Variants in VAV1 observed in about 807,000 individuals in gnomAD.
The protein encoded by VAV1 is vav guanine nucleotide exchange factor 1.
In VAV1, 33 loss-of-function variants were observed where a neutral mutation model predicts 128.1. The ratio of observed to expected loss-of-function variants is 0.26; its 90% CI spans 0.20 to 0.34. VAV1 has a LOEUF of 0.34. Among genes scored for constraint, VAV1 ranks in the 10% least tolerant of loss-of-function variants. The pLI, the probability that VAV1 is intolerant of heterozygous loss-of-function variation, is 1.00. For missense variants in VAV1, 715 were observed against 1,093.7 expected, an observed-to-expected ratio of 0.65 and a Z score of 4.88; for synonymous variants, 394 against 409.8, an observed-to-expected ratio of 0.96 and a Z score of 0.47.
rs140795872 is a variant in VAV1 at position 6,808,670 on chromosome 19, A to C, written c.205-12032A>C. ...GGCTAGAATGTTCCTCCCTTTAAGA[A>C]TGCAACCTGGAATTGCACATTATCA... On this transcript the variant is annotated intron_variant, in intron 1 of 26. Coordinates refer to ENST00000602142, the MANE Select transcript of VAV1 (RefSeq NM_005428.4). Among the ~76,000 whole-genome samples, 428 of 152,322 alleles carry C rather than the reference A, an allele frequency of 2.8e-3. 1 individual carries two copies. Among genetic ancestry groups the C allele is most frequent in the African/African-American group, 9.7e-3 (405 of 41,580 alleles).
chr19:6,820,678 C>T lies in VAV1; in HGVS notation c.205-24C>T. The T allele has an allele frequency of 6.2e-7, 1 of 1,609,558 alleles. No homozygotes were observed. The highest frequency in any genetic ancestry group is 8.5e-7 in the Non-Finnish European group (1 of 1,175,944). ...CCCCTGCCCTTTCGTACTGCCCCAC[C>T]CTCATTTCTCTGTCTCCTCACAGTT... On this transcript the variant is annotated intron_variant, in intron 1 of 26. Transcript: ENST00000602142. The surrounding 1 kb of genome is among the most constrained non-coding windows in gnomAD (Gnocchi z 4.4).
Position 6,836,547 on chromosome 19 carries a change from G to C in VAV1, c.1893G>C (p.Glu631Asp), listed in dbSNP as rs775081040. 7.4e-6 allele frequency: 12 copies of C among 1,614,078 alleles called. No individual in the cohort carries two copies. The South Asian group carries it at 1.3e-4, about 18-fold the overall frequency. The change falls in exon 20 of 27, where the codon GAG (glutamate) becomes GAC (aspartate). Residue 631 changes from glutamate (E) to aspartate (D), a missense_variant. By Grantham distance (45) the Glu-to-Asp change is conservative (BLOSUM62 2). Around this residue, in one of 3 missense-constraint regions of VAV1, gnomAD observed 407 missense variants for 580.6 expected, o/e 0.70. Transcript: ENST00000602142. ...PGDIVELTKAEAEQNWWEGRN... is the reference protein window; with the variant it reads ...PGDIVELTKADAEQNWWEGRN... Reference sequence around the variant, plus strand: ...ACATTGTGGAGCTCACGAAGGCTGAGGCTGAACAGAACTGGTGGGAGGTAC... The same window carrying C: ...ACATTGTGGAGCTCACGAAGGCTGACGCTGAACAGAACTGGTGGGAGGTAC...
intron 1 of VAV1, among the ~76,000 whole-genome samples, chr19:6,816,764 C>G (rs187437418): frequency 8.6e-5 from 13 of 151,886 alleles, no homozygotes; most frequent in Admixed American, 6.6e-4. Flanking sequence ...CAGTTCAAGA[C>G]CAGCCTGGAC....
At chr19:6,833,790 G>T in intron 18 of VAV1, 57 bp downstream of exon 18, 1 of 1,613,814 alleles carries the variant, frequency 6.2e-7, no homozygotes, top group Non-Finnish European at 8.5e-7. Flanking sequence ...ACAGCGCGGG[G>T]AGGACCCAGG....
chr19:6,838,333 A>ATC (rs759398094), intron 21 of VAV1, among the ~76,000 whole-genome samples: 2 of 143,722 alleles, frequency 1.4e-5, no homozygotes, highest in African/African-American at 5.1e-5. Context: ...CTATCTATCT[A>ATC]TATGTCTATC....
Position 6,854,097 on chromosome 19 carries a change from G to T in VAV1, c.2483G>T (p.Arg828Leu). Residue 828 changes from arginine (R) to leucine (L), a missense_variant and splice_region_variant, in exon 26 of 27, where the codon CGG (arginine) becomes CTG (leucine). By Grantham distance (102) the Arg-to-Leu change is moderately radical (BLOSUM62 -2). This residue lies in a region of VAV1 where 407 missense variants were observed against 580.6 expected (regional missense o/e 0.70). Coordinates refer to ENST00000602142, the MANE Select transcript of VAV1 (RefSeq NM_005428.4). The stretch of plus-strand genomic sequence containing the variant: ...TGGTGGCGAGGGGAGATCTATGGCC[G>T]GGTGAGGCAGGCAGGGCTGGGTGAC... ...QGWWRGEIYG[R>L]VGWFPANYVE... is the part of the protein sequence containing the mutation. The T allele has an allele frequency of 6.2e-7, 1 of 1,612,592 alleles. No individual in the cohort carries two copies. The highest frequency in any genetic ancestry group is 1.1e-5 in the South Asian group (1 of 91,024).
chr19:6,796,680 ACT>A (rs1159470316), intron 1 of VAV1, among the ~76,000 whole-genome samples: 2 of 151,826 alleles, frequency 1.3e-5, no homozygotes, highest in African/African-American at 4.8e-5. Context: ...CTGAAATGCC[ACT>A]CTCTCAATGA....
intron 1 of VAV1, among the ~76,000 whole-genome samples, chr19:6,776,540 CCATCCATCCATCCATT>C (rs1427935630): frequency 4.6e-5 from 5 of 108,288 alleles, no homozygotes; most frequent in South Asian, 3.2e-4. Context: ...ATCCATCCAT[CCATCCATCCATCCATT>C]CAACCACCCA....
chr19:6,799,611 C>T (rs1055634468), intron 1 of VAV1, among the ~76,000 whole-genome samples: 1 of 152,038 alleles, frequency 6.6e-6, no homozygotes, highest in African/African-American at 2.4e-5. Flanking sequence ...TAACCCCCAG[C>T]CCCCGACAGG....
intron 21 of VAV1, among the ~76,000 whole-genome samples, chr19:6,839,194 C>A (rs1475570370): frequency 2.0e-5 from 3 of 151,320 alleles, no homozygotes; most frequent in Non-Finnish European, 4.4e-5. Flanking sequence ...AGCCACTGCA[C>A]CCAGCCGCAG....
chr19:6,783,040 C>T (rs190782246), intron 1 of VAV1, among the ~76,000 whole-genome samples: 1 of 152,026 alleles, frequency 6.6e-6, no homozygotes, highest in African/African-American at 2.4e-5. Flanking sequence ...ATTAGCCAGG[C>T]GTGGTGGTGT....
At chr19:6,838,392 T>TGTCC (rs978765131) in intron 21 of VAV1, among the ~76,000 whole-genome samples, 7 of 146,140 alleles carry the variant, frequency 4.8e-5, no homozygotes, top group African/African-American at 1.8e-4. Context: ...TCAGTTCTTC[T>TGTCC]ATCCATCCAT....
Position 6,787,649 on chromosome 19 carries a change from T to A in VAV1, c.204+14638T>A, listed in dbSNP as rs113483302. 2.3e-4 allele frequency among the ~76,000 whole-genome samples: 35 copies of A among 151,990 alleles called. 1 individual carries two copies. The highest frequency in any genetic ancestry group is 8.4e-4 in the African/African-American group (35 of 41,434). On this transcript the variant is annotated intron_variant, in intron 1 of 26. Coordinates refer to ENST00000602142, the MANE Select transcript of VAV1 (RefSeq NM_005428.4). ...TTTTGCTCTGTCACACAGGCTGGAG[T>A]GCAATGGCATAGTCATAGCTCCCTG...
rs1470509272 is a variant in VAV1 at position 6,822,181 on chromosome 19, T to A, written c.450-40T>A. The A allele has an allele frequency of 2.6e-6, 4 of 1,541,152 alleles. No homozygotes were observed. Among genetic ancestry groups the A allele is most frequent in the Non-Finnish European group, 3.5e-6 (4 of 1,136,820 alleles). ...GGTCTGCGGGGACCCTGCTGTGATCTGGGAGAGGTCCAAGGGATCCCTGAC... is the reference window on the plus strand; with the variant it reads ...GGTCTGCGGGGACCCTGCTGTGATCAGGGAGAGGTCCAAGGGATCCCTGAC... On this transcript the variant is annotated intron_variant, in intron 4 of 26. Coordinates refer to ENST00000602142, the MANE Select transcript of VAV1 (RefSeq NM_005428.4). This position sits in a 1 kb window ranked among gnomAD's most constrained non-coding sequence, Gnocchi z 5.9.
At chr19:6,832,561 C>T (rs1036663077) in intron 15 of VAV1, among the ~76,000 whole-genome samples, 36 of 107,608 alleles carry the variant, frequency 3.3e-4, no homozygotes, top group South Asian at 1.1e-3. Context: ...CTCCTCCTCT[C>T]CTTCCTCCCC....
At chr19:6,849,317 C>T (rs1972607184) in intron 23 of VAV1, among the ~76,000 whole-genome samples, 1 of 111,714 alleles carries the variant, frequency 9.0e-6, no homozygotes, top group Non-Finnish European at 1.7e-5. Flanking sequence ...GAGATGGAGT[C>T]TCACTTTGCC....
chr19:6,817,134 C>T (rs779797755), intron 1 of VAV1, among the ~76,000 whole-genome samples: 11 of 151,768 alleles, frequency 7.2e-5, no homozygotes, highest in South Asian at 4.2e-4. Flanking sequence ...CTGCAACCTC[C>T]GCCTCCTGGT....
chr19:6,851,096 T>A (rs1160814487), intron 24 of VAV1, among the ~76,000 whole-genome samples: 1 of 151,988 alleles, frequency 6.6e-6, no homozygotes, highest in East Asian at 1.9e-4. Flanking sequence ...TACGTATATA[T>A]ACATATGTAT....
chr19:6,798,231 C>T (rs1032357966), intron 1 of VAV1, among the ~76,000 whole-genome samples: 7 of 152,028 alleles, frequency 4.6e-5, no homozygotes, highest in African/African-American at 1.4e-4. Flanking sequence ...GAGCGGAGAT[C>T]GCATCATTGC....
Sources: gnomAD v4.1 joint callset for allele counts (sites outside exome capture counted in the v4.1 genomes callset) on GRCh38, gnomAD v4.1.1 for gene constraint, gnomAD v4.1.1 regional missense constraint, Gnocchi (gnomAD v3.1) non-coding constraint, MANE v1.5 for transcripts, NCBI Gene and HGNC (gene_info 2026-07-23, HGNC 2026-07-21) for gene names.